ANKRD36: variants seen among roughly 807,000 people sequenced by gnomAD.
ANKRD36 encodes ankyrin repeat domain-containing protein 36A.
In ANKRD36, 179 loss-of-function variants were observed where a neutral mutation model predicts 278.1. The ratio of observed to expected loss-of-function variants is 0.64; its 90% CI spans 0.57 to 0.73. ANKRD36 has a LOEUF of 0.73. ANKRD36 is among the 30% of genes least tolerant of loss of function. The pLI is 0.00. For missense variants in ANKRD36, 1,159 were observed against 1,956.7 expected, an observed-to-expected ratio of 0.59 and a Z score of 7.69; for synonymous variants, 320 against 641.1, an observed-to-expected ratio of 0.50 and a Z score of 7.57.
chr2:97,217,035 A>G (rs1428905873), intron 62 of ANKRD36, 142 bp from the exon 63 acceptor site: 7 of 1,476,788 alleles, frequency 4.7e-6, no homozygotes, highest in East Asian at 5.1e-5. Context: ...TCATGTTCCA[A>G]TCCCCAGACA....
At position 97,211,878 on chromosome 2, in the gene ANKRD36, G is replaced by A. The variant is rs958546410; in HGVS notation, c.3469+137G>A. 1.0e-5 allele frequency: 12 copies of A among 1,174,810 alleles called. No individual in the cohort carries two copies. In the African/African-American group the frequency reaches 1.4e-4, roughly 14 times the overall value. 72.8% of individuals were successfully genotyped at this position (1,174,810 alleles called of 1,614,324 possible). ...TCCTGAGATTATTCATTTGTAATAA[G>A]TTCTCGGGTGACCCTGATGCTGTGG... On this transcript the variant is annotated intron_variant, in intron 58 of 75. Coordinates refer to ENST00000420699, the MANE Select transcript of ANKRD36 (RefSeq NM_001354587.1).
Position 97,154,854 on chromosome 2 carries a change from G to A in ANKRD36, c.1260+113G>A. On this transcript the variant is annotated intron_variant, in intron 15 of 75. Transcript: ENST00000420699. Reference sequence around the variant, plus strand: ...GTCTACCTATCATTGTTTTATGTTAGTATTAAAACTTTTATTAGAGATAAC... The same window carrying A: ...GTCTACCTATCATTGTTTTATGTTAATATTAAAACTTTTATTAGAGATAAC... The A allele has an allele frequency of 1.1e-5, 10 of 905,248 alleles. 2 individuals are homozygous for A. The Admixed American group carries it at 1.7e-4, about 16-fold the overall frequency. 56.1% of individuals were successfully genotyped at this position (905,248 alleles called of 1,614,324 possible).
intron 75 of ANKRD36, among the ~76,000 whole-genome samples, chr2:97,261,410 G>C (rs1181152576): frequency 7.5e-6 from 1 of 133,668 alleles, no homozygotes. Flanking sequence ...ATTATGCATT[G>C]AATCAAGCTC....
chr2:97,165,060 C>T (rs2050260123), intron 20 of ANKRD36, among the ~76,000 whole-genome samples: 7 of 152,102 alleles, frequency 4.6e-5, no homozygotes. Flanking sequence ...ATATTTTCTT[C>T]TACTACTATT....
intron 42 of ANKRD36, among the ~76,000 whole-genome samples, chr2:97,197,748 T>C (rs911343823): frequency 6.6e-6 from 1 of 151,946 alleles, no homozygotes; most frequent in African/African-American, 2.4e-5. Context: ...TGTATAGGTA[T>C]GTCAAAATTG....
At chr2:97,181,465 C>T (rs1423067871) in intron 24 of ANKRD36, 133 bp from the exon 25 acceptor site, 7 of 1,149,346 alleles carry the variant, frequency 6.1e-6, no homozygotes, top group Admixed American at 2.9e-5. Flanking sequence ...AGTCTCCAGA[C>T]AAAAAGTAGA....
intron 56 of ANKRD36, among the ~76,000 whole-genome samples, 189 bp from the exon 57 acceptor site, chr2:97,211,357 C>A (rs1201212886): frequency 4.0e-5 from 6 of 151,880 alleles, no homozygotes; most frequent in African/African-American, 1.4e-4. Context: ...GGATATATTT[C>A]ATGGAGCCTG....
intron 36 of ANKRD36, 128 bp from the exon 37 acceptor site, chr2:97,192,730 A>G: frequency 1.5e-6 from 2 of 1,317,240 alleles, no homozygotes; most frequent in Non-Finnish European, 2.1e-6. Context: ...CCAGACTAAA[A>G]GTAGAAGCCA....
rs187513033 is a variant in ANKRD36 at position 97,141,665 on chromosome 2, C to G, written c.800-975C>G. Among the ~76,000 whole-genome samples, 439 of 138,918 alleles carry G rather than the reference C, an allele frequency of 3.2e-3. 23 individuals are homozygous for G. The East Asian group carries it at 0.077, about 24-fold the overall frequency. The allele number at this position is 138,918 out of a possible 152,430, so 91.1% of individuals were successfully genotyped here. The stretch of plus-strand genomic sequence containing the variant: ...ATAGATTTTGTTGATATTAGTTATT[C>G]AAATGAAATAAACATGAATGTGCAT... On this transcript the variant is annotated intron_variant, in intron 6 of 75. Transcript: ENST00000420699.
chr2:97,156,121 C>A lies in ANKRD36; in HGVS notation c.1260+1380C>A, dbSNP rs530232892. On this transcript the variant is annotated intron_variant, in intron 15 of 75. Transcript: ENST00000420699. The stretch of plus-strand genomic sequence containing the variant: ...CAGCGTGTTTTCTAATATCTTCCAA[C>A]TGGAAGCTTAGATTAGGATTTTAGA... Among the ~76,000 whole-genome samples, 94 of 146,764 alleles carry A rather than the reference C, an allele frequency of 6.4e-4. 4 individuals are homozygous for A. In the South Asian group the frequency reaches 0.015, roughly 23 times the overall value.
At chr2:97,173,597 G>A (rs2053331419) in intron 22 of ANKRD36, among the ~76,000 whole-genome samples, 1 of 151,792 alleles carries the variant, frequency 6.6e-6, no homozygotes, top group Admixed American at 6.6e-5. Flanking sequence ...AAATAATGAA[G>A]AAACGAATGT....
At chr2:97,137,408 C>T (rs1273525529) in intron 6 of ANKRD36, among the ~76,000 whole-genome samples, 4 of 151,866 alleles carry the variant, frequency 2.6e-5, no homozygotes, top group African/African-American at 9.7e-5. Flanking sequence ...ACCTTGGCCT[C>T]CCAAAATGCT....
intron 30 of ANKRD36, among the ~76,000 whole-genome samples, chr2:97,186,909 C>T (rs79013967): frequency 4.0e-5 from 6 of 151,830 alleles, no homozygotes; most frequent in East Asian, 1.9e-4. Flanking sequence ...TCACATTTGT[C>T]GTGATCACTT....
At chr2:97,211,928 A>T (rs1644641681) in intron 58 of ANKRD36, among the ~76,000 whole-genome samples, 187 bp downstream of exon 58, 1 of 151,864 alleles carries the variant, frequency 6.6e-6, no homozygotes, top group Non-Finnish European at 1.5e-5. Context: ...GGAAGTACTA[A>T]GATTATAGAT....
At chr2:97,204,641 CTTG>C (rs2062349752) in intron 50 of ANKRD36, among the ~76,000 whole-genome samples, 1 of 151,448 alleles carries the variant, frequency 6.6e-6, no homozygotes. Flanking sequence ...AGACAGAAAG[CTTG>C]TTGTAACAAC....
In ANKRD36 at chr2:97,196,717, G is replaced by C. The variant is rs749337060; in HGVS notation, c.2582G>C (p.Gly861Ala). Residue 861 changes from glycine to alanine, a missense_variant and splice_region_variant, in exon 42 of 76, where the codon GGT becomes GCT. Gly to Ala is a moderately conservative substitution (Grantham distance 60). Coordinates refer to ENST00000420699, the MANE Select transcript of ANKRD36 (RefSeq NM_001354587.1). ...TATTTCGTTTCAAATTCCATTCAGGGTACAAGTGACGAGGAAGATTCTGTT... is the reference window on the plus strand; with the variant it reads ...TATTTCGTTTCAAATTCCATTCAGGCTACAAGTGACGAGGAAGATTCTGTT... ...VSSQKPPTLK[G>A]TSDEEDSVLG... 4.9e-5 allele frequency: 77 copies of C among 1,564,766 alleles called. No homozygotes were observed. The highest frequency in any genetic ancestry group is 6.3e-5 in the Non-Finnish European group (73 of 1,158,316).
chr2:97,131,803 GCAAATTATTT>G (rs1394917735), intron 6 of ANKRD36, among the ~76,000 whole-genome samples: 1 of 151,798 alleles, frequency 6.6e-6, no homozygotes, highest in African/African-American at 2.4e-5. Context: ...CCTGAATGAT[GCAAATTATTT>G]TATGTATGTT....
intron 72 of ANKRD36, chr2:97,248,045 A>G (rs2075507886): frequency 7.0e-6 from 1 of 143,098 alleles, no homozygotes; most frequent in Non-Finnish European, 1.5e-5. Flanking sequence ...GGAATGTTTC[A>G]GAAAATTATC....
At position 97,130,207 on chromosome 2, in the gene ANKRD36, C is replaced by T. The variant is rs62152985; in HGVS notation, c.799+3073C>T. Among the ~76,000 whole-genome samples the T allele has an allele frequency of 3.4e-3, 521 of 151,954 alleles. 4 individuals are homozygous for T. The highest frequency in any genetic ancestry group is 5.1e-3 in the Non-Finnish European group (347 of 68,004). On this transcript the variant is annotated intron_variant, in intron 6 of 75. Coordinates refer to ENST00000420699, the MANE Select transcript of ANKRD36 (RefSeq NM_001354587.1). ...ACATGGAACCAACCCAAATGTCCAACACTGATAGACTGGATTAAGAAAATG... is the reference window on the plus strand; with the variant it reads ...ACATGGAACCAACCCAAATGTCCAATACTGATAGACTGGATTAAGAAAATG...
Sources: gnomAD v4.1 joint callset for allele counts (sites outside exome capture counted in the v4.1 genomes callset) on GRCh38, gnomAD v4.1.1 for gene constraint, MANE v1.5 for transcripts, NCBI Gene and HGNC (gene_info 2026-07-23, HGNC 2026-07-21) for gene names.